Variants in VWC2L observed in about 807,000 individuals in gnomAD.
VWC2L encodes von Willebrand factor C domain-containing protein 2-like.
In VWC2L, 10 loss-of-function variants were observed where a neutral mutation model predicts 21.6. That is an observed-to-expected ratio of 0.46 (90% confidence interval 0.29 to 0.78). The LOEUF (loss-of-function observed/expected upper bound fraction) is 0.78, where lower values mean the gene tolerates loss of function less well. Among genes scored for constraint, VWC2L ranks in the 30% least tolerant of loss-of-function variants. The pLI is 0.10. For synonymous variants in VWC2L, 96 were observed against 94.3 expected (o/e 1.02, Z -0.10); for missense variants, 209 against 277.1 (o/e 0.75, Z 1.74).
chr2:214,434,010 A>G (rs542140355), intron 2 of VWC2L, among the ~76,000 whole-genome samples: 1 of 152,304 alleles, frequency 6.6e-6, no homozygotes, highest in East Asian at 1.9e-4. Context: ...AGAGGAAATC[A>G]CATGCATATG....
intron 3 of VWC2L, among the ~76,000 whole-genome samples, chr2:214,454,286 G>A (rs766314006): frequency 1.3e-5 from 2 of 151,914 alleles, no homozygotes; most frequent in African/African-American, 2.4e-5. Context: ...ATCTTATTGT[G>A]CTTTTTAGAA....
At chr2:214,543,644 G>A (rs1303135101) in intron 3 of VWC2L, among the ~76,000 whole-genome samples, 2 of 150,856 alleles carry the variant, frequency 1.3e-5, no homozygotes, top group African/African-American at 4.9e-5. Context: ...ACCAAAGAAA[G>A]GAAGAGAAAG....
chr2:214,481,394 C>G (rs1688601992), intron 3 of VWC2L, among the ~76,000 whole-genome samples: 1 of 152,188 alleles, frequency 6.6e-6, no homozygotes, highest in Admixed American at 6.5e-5. Flanking sequence ...GCTCAGCTGA[C>G]AGCTAGGACT....
chr2:214,430,285 T>C (rs1559288448), intron 2 of VWC2L, among the ~76,000 whole-genome samples: 1 of 152,222 alleles, frequency 6.6e-6, no homozygotes, highest in Non-Finnish European at 1.5e-5. Flanking sequence ...AATATTTTAC[T>C]TTAGCTCAGA....
chr2:214,472,789 A>G (rs980432871), intron 3 of VWC2L, among the ~76,000 whole-genome samples: 1 of 152,234 alleles, frequency 6.6e-6, no homozygotes, highest in Non-Finnish European at 1.5e-5. Flanking sequence ...TTTAGAAATT[A>G]GAGCCAACAA....
At chr2:214,547,491 T>C (rs908950791) in intron 3 of VWC2L, among the ~76,000 whole-genome samples, 2 of 152,188 alleles carry the variant, frequency 1.3e-5, no homozygotes, top group African/African-American at 4.8e-5. Context: ...TCTGTTATTA[T>C]TGACATCTGT....
At chr2:214,439,484 T>A (rs2126179838) in intron 3 of VWC2L, among the ~76,000 whole-genome samples, 1 of 152,114 alleles carries the variant, frequency 6.6e-6, no homozygotes, top group Non-Finnish European at 1.5e-5. Context: ...TAGATGCAAC[T>A]AATTCTAACC....
chr2:214,473,410 C>A (rs1357961968), intron 3 of VWC2L, among the ~76,000 whole-genome samples: 1 of 152,106 alleles, frequency 6.6e-6, no homozygotes. Context: ...GTGGCTGGCT[C>A]GCTTCCAAGT....
intron 3 of VWC2L, among the ~76,000 whole-genome samples, chr2:214,443,081 G>A (rs1559292272): frequency 6.6e-6 from 1 of 151,980 alleles, no homozygotes; most frequent in Non-Finnish European, 1.5e-5. Context: ...CTGAGTTTTT[G>A]TATCGAAGTC....
intron 3 of VWC2L, among the ~76,000 whole-genome samples, chr2:214,559,614 C>CTT (rs1689932866): frequency 7.4e-6 from 1 of 135,620 alleles, no homozygotes; most frequent in African/African-American, 3.4e-5. Context: ...TTTCTTTTTT[C>CTT]ATTTTTTTTT....
chr2:214,554,548 A>G (rs1689845822), intron 3 of VWC2L, among the ~76,000 whole-genome samples: 1 of 152,164 alleles, frequency 6.6e-6, no homozygotes, highest in Non-Finnish European at 1.5e-5. Flanking sequence ...CTGTAATCCC[A>G]GCTACTCAGG....
At chr2:214,545,342 G>A (rs568841837) in intron 3 of VWC2L, among the ~76,000 whole-genome samples, 4 of 152,272 alleles carry the variant, frequency 2.6e-5, no homozygotes, top group African/African-American at 4.8e-5. Context: ...CCAACACACT[G>A]AATATCAGCC....
intron 3 of VWC2L, among the ~76,000 whole-genome samples, chr2:214,567,584 ACACACAC>A (rs1690085736): frequency 6.8e-6 from 1 of 147,214 alleles, no homozygotes; most frequent in South Asian, 2.2e-4. Flanking sequence ...ACACACACAC[ACACACAC>A]ACACAGAGAG....
chr2:214,488,502 G>A (rs1351801561), intron 3 of VWC2L, among the ~76,000 whole-genome samples: 1 of 152,178 alleles, frequency 6.6e-6, no homozygotes, highest in Non-Finnish European at 1.5e-5. Context: ...GGGGGGCTGA[G>A]GCAGGAGGAT....
chr2:214,525,747 T>A (rs1689323076), intron 3 of VWC2L, among the ~76,000 whole-genome samples: 2 of 152,332 alleles, frequency 1.3e-5, no homozygotes, highest in South Asian at 4.1e-4. Flanking sequence ...AGTCAATGAT[T>A]GTTGTGACAT....
At chr2:214,461,056 G>A (rs554133479) in intron 3 of VWC2L, among the ~76,000 whole-genome samples, 3 of 152,326 alleles carry the variant, frequency 2.0e-5, no homozygotes, top group African/African-American at 4.8e-5. Flanking sequence ...TTTCCTCAGT[G>A]ACTTGGGCTG....
chr2:214,557,948 T>C (rs1410164248), intron 3 of VWC2L, among the ~76,000 whole-genome samples: 2 of 152,226 alleles, frequency 1.3e-5, no homozygotes, highest in Non-Finnish European at 2.9e-5. Context: ...CTCTTACAGC[T>C]ACTGAACTCT....
At chr2:214,569,956 A>T (rs1690125518) in intron 3 of VWC2L, among the ~76,000 whole-genome samples, 1 of 148,156 alleles carries the variant, frequency 6.7e-6, no homozygotes, top group Admixed American at 6.6e-5. Context: ...GCACCTTTTT[A>T]TGGGGAAATT....
chr2:214,425,670 G>T (rs1702510465), intron 2 of VWC2L, among the ~76,000 whole-genome samples: 1 of 152,046 alleles, frequency 6.6e-6, no homozygotes, highest in African/African-American at 2.4e-5. Context: ...TATTGCATTT[G>T]TAAAATCAGC....
Sources: allele counts gnomAD v4.1 joint callset (sites outside exome capture counted in the v4.1 genomes callset), GRCh38; gene constraint gnomAD v4.1.1; transcripts MANE v1.5; gene names NCBI Gene and HGNC (gene_info 2026-07-23, HGNC 2026-07-21).